The following RABGAP1L variants were observed in gnomAD, a reference collection of about 807,000 sequenced individuals.
RABGAP1L encodes rab GTPase-activating protein 1-like.
RABGAP1L carries 63 observed loss-of-function variants against 137.7 expected under a neutral mutation model. The observed-to-expected ratio is 0.46, with a 90% CI of 0.37 to 0.56. The LOEUF (loss-of-function observed/expected upper bound fraction) is 0.56, where lower values mean the gene tolerates loss of function less well. Ranked by LOEUF, RABGAP1L falls within the 20% of genes least tolerant of loss-of-function variation. RABGAP1L has a pLI of 0.00. For missense variants in RABGAP1L, 1,095 were observed against 1,244.0 expected, an observed-to-expected ratio of 0.88 and a Z score of 1.80; for synonymous variants, 431 against 433.7, an observed-to-expected ratio of 0.99 and a Z score of 0.08.
chr1:174,899,694 TAGTC>T (rs1657828143), intron 19 of RABGAP1L, among the ~76,000 whole-genome samples: 1 of 152,236 alleles, frequency 6.6e-6, no homozygotes, highest in Non-Finnish European at 1.5e-5. Flanking sequence ...AGGCGTATTT[TAGTC>T]AGTATTTTGG....
At chr1:174,832,195 A>C (rs1301375132) in intron 19 of RABGAP1L, among the ~76,000 whole-genome samples, 1 of 147,102 alleles carries the variant, frequency 6.8e-6, no homozygotes, top group Non-Finnish European at 1.5e-5. Flanking sequence ...CAGGAGGCTG[A>C]GGCAGGAGAA....
intron 1 of RABGAP1L, among the ~76,000 whole-genome samples, chr1:174,198,648 C>G (rs1383546780): frequency 3.3e-5 from 5 of 152,310 alleles, no homozygotes; most frequent in Non-Finnish European, 7.4e-5. Flanking sequence ...ATGAGATTTT[C>G]TGATCAGCAG....
At chr1:174,199,433 AG>A (rs1373186494) in intron 1 of RABGAP1L, among the ~76,000 whole-genome samples, 3 of 152,086 alleles carry the variant, frequency 2.0e-5, no homozygotes, top group Non-Finnish European at 4.4e-5. Context: ...CTAGGATTAC[AG>A]GCGTATACTA....
chr1:174,366,456 C>A (rs1473800536), intron 11 of RABGAP1L, among the ~76,000 whole-genome samples: 1 of 152,104 alleles, frequency 6.6e-6, no homozygotes, highest in Non-Finnish European at 1.5e-5. Flanking sequence ...CTAATTCCTG[C>A]AACCACATTT....
intron 1 of RABGAP1L, 192 bp downstream of exon 1, chr1:174,159,849 C>T (rs954873626): frequency 3.3e-5 from 5 of 152,272 alleles, no homozygotes; most frequent in African/African-American, 1.2e-4. Context: ...TCGGCCGCCT[C>T]CCGGACACCG....
intron 17 of RABGAP1L, among the ~76,000 whole-genome samples, chr1:174,703,554 T>C (rs1367613028): frequency 1.3e-5 from 2 of 152,194 alleles, no homozygotes; most frequent in African/African-American, 4.8e-5. Context: ...AGCATATAAG[T>C]GCACGAATCT....
intron 17 of RABGAP1L, among the ~76,000 whole-genome samples, chr1:174,724,079 T>C (rs1420786735): frequency 6.6e-6 from 1 of 152,258 alleles, no homozygotes; most frequent in Admixed American, 6.5e-5. Flanking sequence ...ATCTTTTGTA[T>C]TAAGTATGCA....
intron 22 of RABGAP1L, among the ~76,000 whole-genome samples, chr1:174,978,046 T>A (rs1205834482): frequency 6.6e-6 from 1 of 152,252 alleles, no homozygotes; most frequent in African/African-American, 2.4e-5. Flanking sequence ...GTTTTTTGTT[T>A]GTTTCATTAC....
intron 14 of RABGAP1L, among the ~76,000 whole-genome samples, chr1:174,654,181 G>A (rs1219294302): frequency 1.3e-5 from 2 of 152,164 alleles, no homozygotes; most frequent in Non-Finnish European, 2.9e-5. Flanking sequence ...TCAGAAGCTG[G>A]CCCACCTTAA....
At chr1:174,953,541 G>C (rs557156867) in intron 19 of RABGAP1L, among the ~76,000 whole-genome samples, 5 of 152,262 alleles carry the variant, frequency 3.3e-5, no homozygotes, top group African/African-American at 1.2e-4. Flanking sequence ...CATCTGTAAT[G>C]ACAGGTGAGG....
intron 19 of RABGAP1L, among the ~76,000 whole-genome samples, chr1:174,884,499 TTTTA>T: frequency 6.6e-6 from 1 of 152,238 alleles, no homozygotes; most frequent in Non-Finnish European, 1.5e-5. Context: ...TCTGAATATT[TTTTA>T]TTCTCATTGT....
chr1:174,741,855 CAAAAAAAAAA>C (rs775821774), intron 17 of RABGAP1L, among the ~76,000 whole-genome samples: 1 of 41,896 alleles, frequency 2.4e-5, no homozygotes, highest in Non-Finnish European at 4.1e-5. Context: ...CCTATTTCTA[CAAAAAAAAAA>C]AAAAAAAAAA....
chr1:174,554,270 G>A (rs769851113), intron 13 of RABGAP1L, among the ~76,000 whole-genome samples: 1 of 152,050 alleles, frequency 6.6e-6, no homozygotes, highest in Admixed American at 6.5e-5. Context: ...TTTTGAGAAA[G>A]GCTATTTCCC....
At position 174,623,778 on chromosome 1, in the gene RABGAP1L, T is replaced by C. The variant is rs543002901; in HGVS notation, c.1711-13597T>C. Among the ~76,000 whole-genome samples, 4 of 152,146 alleles carry C rather than the reference T, an allele frequency of 2.6e-5. No individual in the cohort carries two copies. In the South Asian group the frequency reaches 8.3e-4, roughly 32 times the overall value. On this transcript the variant is annotated intron_variant, in intron 13 of 25. Coordinates refer to ENST00000681986, the MANE Select transcript of RABGAP1L (RefSeq NM_001366446.1). ...TCCAAAGTCTTAGTCATAAATAACA[T>C]TGTTAGACTATTCAGTGTCCAAGGC...
At chr1:174,907,447 G>A (rs1334776283) in intron 19 of RABGAP1L, among the ~76,000 whole-genome samples, 1 of 151,906 alleles carries the variant, frequency 6.6e-6, no homozygotes, top group Non-Finnish European at 1.5e-5. Context: ...CAAGTAGCTG[G>A]GACTGCAGGT....
At chr1:174,898,531 A>T (rs1208746711) in intron 19 of RABGAP1L, among the ~76,000 whole-genome samples, 1 of 152,202 alleles carries the variant, frequency 6.6e-6, no homozygotes, top group Non-Finnish European at 1.5e-5. Flanking sequence ...AGTTTCTTTT[A>T]CTTTTGGAGC....
At chr1:174,573,543 G>C (rs1281872248) in intron 13 of RABGAP1L, among the ~76,000 whole-genome samples, 1 of 151,966 alleles carries the variant, frequency 6.6e-6, no homozygotes, top group African/African-American at 2.4e-5. Flanking sequence ...TTTTATGTTA[G>C]GTATTTTTCA....
intron 13 of RABGAP1L, among the ~76,000 whole-genome samples, chr1:174,429,567 C>G (rs769063294): frequency 6.6e-6 from 1 of 151,894 alleles, no homozygotes. Context: ...GGTGAAACCC[C>G]GTCTCTACTA....
chr1:174,231,975 C>T (rs963536975), intron 4 of RABGAP1L, among the ~76,000 whole-genome samples: 5 of 152,070 alleles, frequency 3.3e-5, no homozygotes, highest in Admixed American at 1.3e-4. Flanking sequence ...TCAACAATTA[C>T]GCTTAGAATA....
Sources: gnomAD v4.1 joint callset for allele counts (sites outside exome capture counted in the v4.1 genomes callset) on GRCh38, gnomAD v4.1.1 for gene constraint, MANE v1.5 for transcripts, NCBI Gene and HGNC (gene_info 2026-07-23, HGNC 2026-07-21) for gene names.